PRDM16: variants seen among roughly 807,000 people sequenced by gnomAD.
PRDM16 encodes the protein PR/SET domain 16.
A neutral mutation model predicts 110.6 loss-of-function variants in PRDM16; 23 were observed. The ratio of observed to expected loss-of-function variants is 0.21; its 90% confidence interval spans 0.15 to 0.29. PRDM16 has a LOEUF of 0.29. Among genes scored for constraint, PRDM16 ranks in the 10% least tolerant of loss-of-function variants. The pLI, the probability that PRDM16 is intolerant of heterozygous loss-of-function variation, is 1.00. For missense variants in PRDM16, 1,615 were observed against 1,794.3 expected (o/e 0.90, Z 1.81); for synonymous variants, 799 against 781.8 (o/e 1.02, Z -0.37).
chr1:3,425,368 G>C lies in PRDM16; in HGVS notation c.2940-213G>C. On this transcript the variant is annotated intron_variant, in intron 12 of 16. Transcript: ENST00000270722. The surrounding 1 kb of genome is among the most constrained non-coding windows in gnomAD (Gnocchi z 6.9). ...GCTGTGATTATAGGCGTGAACCCCTGCTTCTTGAAGCCGGGGCTGTTTCTA... is the reference window on the plus strand; with the variant it reads ...GCTGTGATTATAGGCGTGAACCCCTCCTTCTTGAAGCCGGGGCTGTTTCTA... 1.9e-6 allele frequency: 1 copy of C among 536,678 alleles called. No homozygotes were observed. The highest frequency in any genetic ancestry group is 3.1e-5 in the East Asian group (1 of 31,858). 33.2% of individuals were successfully genotyped at this position (536,678 alleles called of 1,614,324 possible).
At chr1:3,207,063 GGC>G (rs1638768774) in intron 2 of PRDM16, 1 of 152,272 alleles carries the variant, frequency 6.6e-6, no homozygotes, top group Non-Finnish European at 1.5e-5. Flanking sequence ...ACACAGCTGT[GGC>G]TTAGTCAAGA....
chr1:3,246,088 G>T lies in PRDM16; in HGVS notation c.438+1951G>T, dbSNP rs571228356. Among the ~76,000 whole-genome samples, 1 of 152,316 alleles carries T rather than the reference G, an allele frequency of 6.6e-6. No homozygotes were observed. Among genetic ancestry groups the T allele is most frequent in the South Asian group, 2.1e-4 (1 of 4,820 alleles). ...GATTTAAAGGGCCCGGGGGAGGCAA[G>T]TGCTGGCTGCTTCTGAACCAGAACG... On this transcript the variant is annotated intron_variant, in intron 3 of 16. Transcript: ENST00000270722. This position sits in a 1 kb window ranked among gnomAD's most constrained non-coding sequence, Gnocchi z 5.2.
intron 1 of PRDM16, among the ~76,000 whole-genome samples, chr1:3,097,890 A>G (rs549074518): frequency 1.1e-4 from 17 of 152,254 alleles, no homozygotes; most frequent in Admixed American, 6.5e-4. Flanking sequence ...CACAGGGTGC[A>G]GGAAAGACCC....
intron 3 of PRDM16, among the ~76,000 whole-genome samples, chr1:3,349,021 G>GT (rs758908368): frequency 2.0e-4 from 31 of 152,278 alleles, no homozygotes; most frequent in Non-Finnish European, 4.0e-4. Flanking sequence ...CCTGCCTTTG[G>GT]TGGGGGTGGG....
intron 1 of PRDM16, among the ~76,000 whole-genome samples, chr1:3,146,233 G>A (rs993735445): frequency 7.2e-5 from 11 of 152,332 alleles, no homozygotes; most frequent in Admixed American, 4.6e-4. Context: ...GGGGGGGCCC[G>A]CTAACCAATG....
At chr1:3,410,862 G>A (rs929038884) in intron 8 of PRDM16, among the ~76,000 whole-genome samples, 5 of 152,152 alleles carry the variant, frequency 3.3e-5, no homozygotes, top group African/African-American at 9.7e-5. Flanking sequence ...TGGAGAGCAG[G>A]TTCACCTTCC....
chr1:3,284,229 G>A (rs1640798141), intron 3 of PRDM16, among the ~76,000 whole-genome samples: 1 of 152,250 alleles, frequency 6.6e-6, no homozygotes, highest in Admixed American at 6.5e-5. Flanking sequence ...AAGCGTCCCA[G>A]GTTCCCCAGA....
Position 3,242,351 on chromosome 1 carries a change from A to T in PRDM16, c.388-1736A>T, listed in dbSNP as rs575058340. 1.2e-4 allele frequency among the ~76,000 whole-genome samples: 18 copies of T among 152,278 alleles called. No homozygotes were observed. In the South Asian group the frequency reaches 3.5e-3, roughly 30 times the overall value. ...AGCCCAGCCTTTAACTGGCAACAAG[A>T]TCCACAGTTTCTCTGCCCGGGGCGG... is the stretch of plus-strand genomic sequence containing the variant. On this transcript the variant is annotated intron_variant, in intron 2 of 16. Transcript: ENST00000270722.
At chr1:3,363,191 C>T (rs546547709) in intron 3 of PRDM16, among the ~76,000 whole-genome samples, 5 of 152,288 alleles carry the variant, frequency 3.3e-5, no homozygotes, top group Admixed American at 6.5e-5. Flanking sequence ...CTGCTGTCCG[C>T]TCCTGACTGC....
intron 1 of PRDM16, among the ~76,000 whole-genome samples, chr1:3,120,505 T>A (rs1043539904): frequency 2.0e-5 from 3 of 152,082 alleles, no homozygotes; most frequent in Non-Finnish European, 2.9e-5. Context: ...GGTCATTTCT[T>A]TTTAGCTACC....
chr1:3,414,748 C>G, intron 10 of PRDM16, 101 bp downstream of exon 10: 3 of 874,994 alleles, frequency 3.4e-6, no homozygotes, highest in Non-Finnish European at 3.7e-6. Context: ...CCTAAGTCCC[C>G]GTCCAGGCCA....
At chr1:3,311,183 C>T (rs988903637) in intron 3 of PRDM16, among the ~76,000 whole-genome samples, 1 of 152,198 alleles carries the variant, frequency 6.6e-6, no homozygotes, top group Non-Finnish European at 1.5e-5. Flanking sequence ...ACGGAGCCGT[C>T]GCTTCCCACT....
chr1:3,150,900 G>C (rs1368649549), intron 1 of PRDM16, among the ~76,000 whole-genome samples: 1 of 87,626 alleles, frequency 1.1e-5, no homozygotes, highest in Non-Finnish European at 2.3e-5. Flanking sequence ...CTATGGAAAC[G>C]GGGGGGCTGG....
intron 3 of PRDM16, among the ~76,000 whole-genome samples, chr1:3,312,122 C>A (rs767282554): frequency 3.3e-5 from 5 of 152,196 alleles, no homozygotes; most frequent in African/African-American, 9.6e-5. Flanking sequence ...CTGACTCCCC[C>A]ACCTTCCCAC....
Position 3,345,813 on chromosome 1 carries a change from T to TGTGCTGCCCTCTCGGGTCCTCCC in PRDM16, c.439-39326_439-39304dup, listed in dbSNP as rs894283019. Among the ~76,000 whole-genome samples, 3 of 73,530 alleles carry TGTGCTGCCCTCTCGGGTCCTCCC rather than the reference T, an allele frequency of 4.1e-5. No individual in the cohort carries two copies. The South Asian group carries it at 1.6e-3, about 39-fold the overall frequency. 48.2% of individuals were successfully genotyped at this position (73,530 alleles called of 152,430 possible). On this transcript the variant is annotated intron_variant, in intron 3 of 16. Transcript: ENST00000270722. Reference sequence around the variant, plus strand: ...GTCCAGGCCACCCCTTGGTTCCTCCTGTGCTGCCCTCTCGGGTCCTCCCGT... The same window carrying TGTGCTGCCCTCTCGGGTCCTCCC: ...GTCCAGGCCACCCCTTGGTTCCTCCTGTGCTGCCCTCTCGGGTCCTCCCGTGCTGCCCTCTCGGGTCCTCCCGT...
Position 3,143,409 on chromosome 1 carries a change from C to G in PRDM16, c.38-42716C>G, listed in dbSNP as rs1360035047. ...TGGCCTCCCCAACTTGAGCTGGGTTCATTTCCTCTCTCCACCCCTTCTTTC... is the reference window on the plus strand; with the variant it reads ...TGGCCTCCCCAACTTGAGCTGGGTTGATTTCCTCTCTCCACCCCTTCTTTC... On this transcript the variant is annotated intron_variant, in intron 1 of 16. Coordinates refer to ENST00000270722, the MANE Select transcript of PRDM16 (RefSeq NM_022114.4). This position sits in a 1 kb window ranked among gnomAD's most constrained non-coding sequence, Gnocchi z 4.5. Among the ~76,000 whole-genome samples, 1 of 152,152 alleles carries G rather than the reference C, an allele frequency of 6.6e-6. No individual in the cohort carries two copies. The highest frequency in any genetic ancestry group is 2.4e-5 in the African/African-American group (1 of 41,442).
intron 1 of PRDM16, among the ~76,000 whole-genome samples, chr1:3,141,170 C>A (rs1234504026): frequency 6.6e-6 from 1 of 152,182 alleles, no homozygotes; most frequent in African/African-American, 2.4e-5. Flanking sequence ...CTCGGTAAAA[C>A]CATCCTCCGT....
intron 1 of PRDM16, among the ~76,000 whole-genome samples, chr1:3,111,531 C>T (rs1569577185): frequency 1.4e-5 from 2 of 139,438 alleles, no homozygotes; most frequent in East Asian, 2.3e-4. Context: ...AAGGGGAGAG[C>T]GGAGGGAAAG....
intron 1 of PRDM16, among the ~76,000 whole-genome samples, chr1:3,153,796 G>T (rs751793600): frequency 6.6e-6 from 1 of 152,200 alleles, no homozygotes; most frequent in African/African-American, 2.4e-5. Context: ...AGCGTGGAAC[G>T]CAAAGTAATA....
Sources: gnomAD v4.1 joint callset for allele counts (sites outside exome capture counted in the v4.1 genomes callset) on GRCh38, gnomAD v4.1.1 for gene constraint, Gnocchi (gnomAD v3.1) non-coding constraint, MANE v1.5 for transcripts, NCBI Gene and HGNC (gene_info 2026-07-23, HGNC 2026-07-21) for gene names.